The following GPR158 variants were observed in gnomAD, a reference collection of about 807,000 sequenced individuals.
GPR158 encodes G protein-coupled receptor 158.
In GPR158, 30 loss-of-function variants were observed where a neutral mutation model predicts 78.2. The observed-to-expected ratio is 0.38, with a 90% CI of 0.29 to 0.52. The LOEUF (loss-of-function observed/expected upper bound fraction) is 0.52, where lower values mean the gene tolerates loss of function less well. Among genes scored for constraint, GPR158 ranks in the 20% least tolerant of loss-of-function variants. The pLI is 0.83. For missense variants in GPR158, 1,463 were observed against 1,523.5 expected (o/e 0.96, Z 0.66); for synonymous variants, 581 against 591.1 (o/e 0.98, Z 0.25).
intron 2 of GPR158, among the ~76,000 whole-genome samples, chr10:25,307,832 T>C (rs1225876271): frequency 1.3e-5 from 2 of 152,210 alleles, no homozygotes; most frequent in Non-Finnish European, 2.9e-5. Flanking sequence ...TAAAATATTT[T>C]ATAGTTTCTT....
chr10:25,252,700 A>C (rs1317555831), intron 2 of GPR158, among the ~76,000 whole-genome samples: 1 of 152,124 alleles, frequency 6.6e-6, no homozygotes, highest in African/African-American at 2.4e-5. Context: ...TGCTGGGAGA[A>C]CCACTGCTCC....
At chr10:25,302,759 A>G (rs957169274) in intron 2 of GPR158, among the ~76,000 whole-genome samples, 2 of 152,202 alleles carry the variant, frequency 1.3e-5, no homozygotes, top group East Asian at 1.9e-4. Context: ...AGTCAGTGCT[A>G]TCTAATAGAA....
chr10:25,338,445 T>C (rs150956350), intron 2 of GPR158, among the ~76,000 whole-genome samples: 72 of 144,176 alleles, frequency 5.0e-4, no homozygotes, highest in Non-Finnish European at 8.7e-4. Flanking sequence ...GTATTATATA[T>C]ACGTAATATA....
At position 25,596,665 on chromosome 10, in the gene GPR158, C is replaced by T; in HGVS notation, c.2021C>T (p.Pro674Leu). The T allele has an allele frequency of 6.2e-7, 1 of 1,613,068 alleles. No individual in the cohort carries two copies. Among genetic ancestry groups the T allele is most frequent in the Non-Finnish European group, 8.5e-7 (1 of 1,179,342 alleles). The change falls in exon 10 of 11, where the codon CCA (proline) becomes CTA (leucine). Residue 674 changes from proline (P) to leucine (L), a missense_variant. Physicochemically the swap from Pro to Leu is moderately conservative, Grantham distance 98. Coordinates refer to ENST00000376351, the MANE Select transcript of GPR158 (RefSeq NM_020752.3). ...CAGTTTTCACATTCAAGCAATAACC[C>T]ACGAGATGATATTGCTACAGAAGCA... ...IPKFSHSSNN[P>L]RDDIATEAYE...
chr10:25,209,363 A>C (rs1423755486), intron 1 of GPR158, among the ~76,000 whole-genome samples: 1 of 152,216 alleles, frequency 6.6e-6, no homozygotes. Flanking sequence ...ACAATGCCAC[A>C]TTAGAGGGCT....
At chr10:25,272,501 C>T (rs1400590430) in intron 2 of GPR158, among the ~76,000 whole-genome samples, 3 of 152,148 alleles carry the variant, frequency 2.0e-5, no homozygotes, top group African/African-American at 7.2e-5. Context: ...CACAAGACCC[C>T]ACCTCTTGTT....
chr10:25,369,577 T>G (rs1833956917), intron 2 of GPR158, among the ~76,000 whole-genome samples: 1 of 151,268 alleles, frequency 6.6e-6, no homozygotes, highest in Non-Finnish European at 1.5e-5. Context: ...TGCCAGTATT[T>G]TATTGAGGAT....
intron 4 of GPR158, among the ~76,000 whole-genome samples, chr10:25,439,280 G>T (rs1454222968): frequency 6.6e-6 from 1 of 152,200 alleles, no homozygotes; most frequent in Non-Finnish European, 1.5e-5. Flanking sequence ...TGAGAAAGAA[G>T]CGAAAGTGGA....
intron 1 of GPR158, among the ~76,000 whole-genome samples, chr10:25,186,825 A>T (rs190770231): frequency 0.014 from 2,162 of 152,272 alleles, 56 homozygotes; most frequent in African/African-American, 0.05. Flanking sequence ...TCCTTCTGAA[A>T]CTATTCCAAT....
At position 25,220,452 on chromosome 10, in the gene GPR158, A is replaced by G. The variant is rs149879626; in HGVS notation, c.903-600A>G. Among the ~76,000 whole-genome samples the G allele has an allele frequency of 3.4e-4, 52 of 152,344 alleles. No individual in the cohort carries two copies. In the East Asian group the frequency reaches 9.8e-3, roughly 29 times the overall value. ...CTTCTCAAATGGCTAAGTGAAATGCAGTCTCTTCGTTTCCAGATTTAAAAG... is the reference window on the plus strand; with the variant it reads ...CTTCTCAAATGGCTAAGTGAAATGCGGTCTCTTCGTTTCCAGATTTAAAAG... On this transcript the variant is annotated intron_variant, in intron 1 of 10. Transcript: ENST00000376351.
At chr10:25,553,897 A>G (rs1836756152) in intron 6 of GPR158, among the ~76,000 whole-genome samples, 2 of 152,208 alleles carry the variant, frequency 1.3e-5, no homozygotes, top group African/African-American at 4.8e-5. Flanking sequence ...GATGGTTTAA[A>G]GTTTAATAAC....
chr10:25,307,377 C>T (rs1236972638), intron 2 of GPR158, among the ~76,000 whole-genome samples: 1 of 114,394 alleles, frequency 8.7e-6, no homozygotes, highest in African/African-American at 3.4e-5. Context: ...ATTTTAATTG[C>T]TTTTTTTTTT....
intron 5 of GPR158, among the ~76,000 whole-genome samples, chr10:25,535,086 T>G (rs1836482335): frequency 6.6e-6 from 1 of 152,204 alleles, no homozygotes; most frequent in South Asian, 2.1e-4. Flanking sequence ...CTCATAGCTT[T>G]GTAGTCTATA....
chr10:25,513,672 C>T (rs116053192), intron 5 of GPR158, among the ~76,000 whole-genome samples: 9,898 of 152,082 alleles, frequency 0.065, 912 homozygotes, highest in African/African-American at 0.19. Flanking sequence ...GAACTTTTCT[C>T]TTAACATTGC....
chr10:25,236,546 T>A (rs948240067), intron 2 of GPR158, among the ~76,000 whole-genome samples: 1 of 152,200 alleles, frequency 6.6e-6, no homozygotes. Context: ...TTCTTCTCAT[T>A]CTGCAATACC....
intron 2 of GPR158, among the ~76,000 whole-genome samples, chr10:25,291,359 T>C (rs1361043086): frequency 1.3e-5 from 2 of 152,084 alleles, no homozygotes; most frequent in Admixed American, 6.5e-5. Flanking sequence ...TTCTGATTTA[T>C]CGTGTCTAGT....
At chr10:25,482,606 GTTCTTGGGTCT>G (rs1835676482) in intron 5 of GPR158, among the ~76,000 whole-genome samples, 1 of 152,076 alleles carries the variant, frequency 6.6e-6, no homozygotes, top group Non-Finnish European at 1.5e-5. Flanking sequence ...CTATAACTCA[GTTCTTGGGTCT>G]TTTCTCTTTT....
intron 5 of GPR158, among the ~76,000 whole-genome samples, chr10:25,471,525 A>C (rs1000603142): frequency 4.6e-5 from 7 of 152,182 alleles, no homozygotes; most frequent in Non-Finnish European, 8.8e-5. Flanking sequence ...TAGATCCTTG[A>C]GGAATCGCCA....
Position 25,176,314 on chromosome 10 carries a change from G to T in GPR158, c.894G>T (p.Pro298=). The T allele has an allele frequency of 6.3e-7, 1 of 1,576,462 alleles. No individual in the cohort carries two copies. Among genetic ancestry groups the T allele is most frequent in the Non-Finnish European group, 8.6e-7 (1 of 1,161,422 alleles). The change falls in exon 1 of 11, where the codon CCG becomes CCT. Residue 298 remains proline (P), a synonymous_variant. Coordinates refer to ENST00000376351, the MANE Select transcript of GPR158 (RefSeq NM_020752.3). The surrounding 1 kb of genome is among the most constrained non-coding windows in gnomAD (Gnocchi z 6.3). ...AIYGLQPNLV[P]EFRGVMKVDI... is the part of the protein sequence containing the mutation. ...ACGGGTTGCAGCCTAACCTGGTCCCGGAATTCAGGTAGGGAGGGCCGGGGG... is the reference window on the plus strand; with the variant it reads ...ACGGGTTGCAGCCTAACCTGGTCCCTGAATTCAGGTAGGGAGGGCCGGGGG...
Sources: gnomAD v4.1 joint callset for allele counts (sites outside exome capture counted in the v4.1 genomes callset) on GRCh38, gnomAD v4.1.1 for gene constraint, Gnocchi (gnomAD v3.1) non-coding constraint, MANE v1.5 for transcripts, NCBI Gene and HGNC (gene_info 2026-07-23, HGNC 2026-07-21) for gene names.